POLR2B: variants seen among roughly 807,000 people sequenced by gnomAD.
The protein encoded by POLR2B is DNA-directed RNA polymerase II subunit RPB2.
POLR2B carries 57 observed loss-of-function variants against 144.6 expected under a neutral mutation model. The observed-to-expected ratio is 0.39, with a 90% CI of 0.32 to 0.49. The LOEUF (loss-of-function observed/expected upper bound fraction) is 0.49, where lower values mean the gene tolerates loss of function less well. POLR2B is among the 20% of genes least tolerant of loss of function. POLR2B has a pLI of 0.83. For missense variants in POLR2B, 595 were observed against 1,467.4 expected, an observed-to-expected ratio of 0.41 and a Z score of 9.71; for synonymous variants, 442 against 469.8, an observed-to-expected ratio of 0.94 and a Z score of 0.77.
intron 2 of POLR2B, 126 bp downstream of exon 2, chr4:56,986,552 C>A: frequency 1.8e-6 from 1 of 543,370 alleles, no homozygotes; most frequent in East Asian, 3.1e-5. Flanking sequence ...ATATATTTAA[C>A]ATTTTAAGTA....
At position 56,995,424 on chromosome 4, in the gene POLR2B, T is replaced by G; in HGVS notation, c.735+15T>G. 6.4e-7 allele frequency: 1 copy of G among 1,566,286 alleles called. No homozygotes were observed. The highest frequency in any genetic ancestry group is 8.7e-7 in the Non-Finnish European group (1 of 1,148,140). On this transcript the variant is annotated intron_variant, in intron 6 of 24. Transcript: ENST00000314595. ...GAGGAGGACAGGTATGGACTGGATA[T>G]GATGCTATTTGGGTTTATTCCTTTG...
intron 7 of POLR2B, among the ~76,000 whole-genome samples, chr4:57,000,614 T>C (rs1174946983): frequency 6.6e-6 from 1 of 152,224 alleles, no homozygotes; most frequent in Non-Finnish European, 1.5e-5. Context: ...GACTTCAGTG[T>C]ATATTTCCTA....
At position 57,005,629 on chromosome 4, in the gene POLR2B, C is replaced by G; in HGVS notation, c.1127C>G (p.Ala376Gly). ...GYMVHRLLLA[A>G]LGRRELDDRD... Reference sequence around the variant, plus strand: ...ATGGTTCATAGGTTACTTCTGGCAGCTTTGGGTAGAAGAGAACTAGATGAC... The same window carrying G: ...ATGGTTCATAGGTTACTTCTGGCAGGTTTGGGTAGAAGAGAACTAGATGAC... The change falls in exon 9 of 25, where the codon GCT (alanine) becomes GGT (glycine). Residue 376 changes from alanine (A) to glycine (G), a missense_variant. Coordinates refer to ENST00000314595, the MANE Select transcript of POLR2B (RefSeq NM_000938.3). 6.2e-7 allele frequency: 1 copy of G among 1,606,328 alleles called. No homozygotes were observed. Among genetic ancestry groups the G allele is most frequent in the East Asian group, 2.2e-5 (1 of 44,582 alleles).
At position 57,008,776 on chromosome 4, in the gene POLR2B, C is replaced by T. The variant is rs1001990452; in HGVS notation, c.1405-1585C>T. ...TGAATCTTGAAGAGTACTTGGAAAA[C>T]GCCCAAGTTGCGAGGTAGGTAGAAC... On this transcript the variant is annotated intron_variant, in intron 10 of 24. Coordinates refer to ENST00000314595, the MANE Select transcript of POLR2B (RefSeq NM_000938.3). Among the ~76,000 whole-genome samples the T allele has an allele frequency of 9.9e-5, 15 of 152,140 alleles. No individual in the cohort carries two copies. In the East Asian group the frequency reaches 1.2e-3, roughly 12 times the overall value.
chr4:56,994,929 TGAAAAAAA>T (rs781196327), intron 5 of POLR2B, 63 bp downstream of exon 5: 1 of 725,740 alleles, frequency 1.4e-6, no homozygotes, highest in Non-Finnish European at 2.0e-6. Flanking sequence ...AAAGTTGAAA[TGAAAAAAA>T]AAAAAAAAAG....
chr4:57,014,970 C>CA lies in POLR2B; in HGVS notation c.1801-532_1801-531insA, dbSNP rs1441450848. Among the ~76,000 whole-genome samples, 398 of 152,182 alleles carry CA rather than the reference C, an allele frequency of 2.6e-3. 2 individuals are homozygous for CA. The highest frequency in any genetic ancestry group is 9.4e-3 in the African/African-American group (389 of 41,500). The stretch of plus-strand genomic sequence containing the variant: ...CTTACAACACATCTCAGTTCAGAAT[C>CA]GCCACGTTTCAAGTGCTCAGTCACA... On this transcript the variant is annotated intron_variant, in intron 13 of 24. Transcript: ENST00000314595.
chr4:56,988,260 G>A (rs1437115672), intron 2 of POLR2B, among the ~76,000 whole-genome samples: 3 of 152,002 alleles, frequency 2.0e-5, no homozygotes, highest in Non-Finnish European at 4.4e-5. Context: ...CAAGGAGATG[G>A]ACGAGGAAGA....
At chr4:57,000,736 C>T (rs1722826922) in intron 7 of POLR2B, among the ~76,000 whole-genome samples, 1 of 152,138 alleles carries the variant, frequency 6.6e-6, no homozygotes, top group Admixed American at 6.6e-5. Flanking sequence ...CACTCCGTTG[C>T]CTAGGCTGGA....
At chr4:57,029,531 G>A (rs773668575) in intron 23 of POLR2B, among the ~76,000 whole-genome samples, 10 of 152,140 alleles carry the variant, frequency 6.6e-5, no homozygotes, top group Non-Finnish European at 1.3e-4. Context: ...TGGATATTAA[G>A]TATGTTAAGG....
At chr4:56,997,788 A>G (rs949466121) in intron 6 of POLR2B, among the ~76,000 whole-genome samples, 1 of 152,202 alleles carries the variant, frequency 6.6e-6, no homozygotes, top group African/African-American at 2.4e-5. Context: ...GTTCACCTCA[A>G]TAACCTAAGA....
chr4:56,996,195 T>C (rs1275726009), intron 6 of POLR2B, among the ~76,000 whole-genome samples: 1 of 147,148 alleles, frequency 6.8e-6, no homozygotes, highest in Non-Finnish European at 1.5e-5. Flanking sequence ...GGAAAACCTC[T>C]ATTTCAGTTC....
intron 1 of POLR2B, among the ~76,000 whole-genome samples, chr4:56,982,880 G>A (rs964857092): frequency 2.0e-5 from 3 of 151,960 alleles, no homozygotes; most frequent in African/African-American, 7.2e-5. Context: ...TGTTGAAACC[G>A]AAAGCCTGGG....
In POLR2B at chr4:56,986,363, A is replaced by G. The variant is rs1268143361; in HGVS notation, c.29A>G (p.Tyr10Cys). 6.2e-7 allele frequency: 1 copy of G among 1,607,370 alleles called. No individual in the cohort carries two copies. The highest frequency in any genetic ancestry group is 8.5e-7 in the Non-Finnish European group (1 of 1,173,982). The change falls in exon 2 of 25, where the codon TAT becomes TGT. Residue 10 changes from tyrosine (Y) to cysteine (C), a missense_variant. This residue lies in a region of POLR2B where 25 missense variants were observed against 26.1 expected (regional missense o/e 0.96). Transcript: ENST00000314595. ...ATTTTTGTTTTTACAGATATGCAAT[A>G]TGATGAGGATGATGATGAAATCACC... MYDADEDMQYDEDDDEITPD... is the reference protein window; with the variant it reads MYDADEDMQCDEDDDEITPD...
chr4:57,017,770 G>A lies in POLR2B; in HGVS notation c.2323+42G>A. On this transcript the variant is annotated intron_variant, in intron 16 of 24. Transcript: ENST00000314595. This position sits in a 1 kb window ranked among gnomAD's most constrained non-coding sequence, Gnocchi z 4.8. ...TCTACGTTATTTAAGATCCTTCTGTGCTTAAGGCACTTTTCTGGGTGCTTG... is the reference window on the plus strand; with the variant it reads ...TCTACGTTATTTAAGATCCTTCTGTACTTAAGGCACTTTTCTGGGTGCTTG... 2 of 1,499,910 alleles carry A rather than the reference G, an allele frequency of 1.3e-6. No homozygotes were observed. The highest frequency in any genetic ancestry group is 1.8e-6 in the Non-Finnish European group (2 of 1,092,686). 92.9% of individuals were successfully genotyped at this position (1,499,910 alleles called of 1,614,324 possible).
intron 10 of POLR2B, among the ~76,000 whole-genome samples, chr4:57,009,032 T>A (rs1485310394): frequency 6.7e-6 from 1 of 150,284 alleles, no homozygotes; most frequent in Admixed American, 6.7e-5. Context: ...GAAGGGCAAG[T>A]TTGGTGGCAG....
chr4:56,992,458 CTG>C (rs1722542354), intron 3 of POLR2B, among the ~76,000 whole-genome samples: 2 of 52,040 alleles, frequency 3.8e-5, no homozygotes. Context: ...GGTCGAGACT[CTG>C]TCTCAAAAAA....
chr4:57,010,727 A>G (rs1723166102), intron 11 of POLR2B, 21 bp from the exon 12 acceptor site: 1 of 1,568,624 alleles, frequency 6.4e-7, no homozygotes, highest in Non-Finnish European at 8.6e-7. Context: ...CAGAATGACT[A>G]ATACTTGGTT....
intron 13 of POLR2B, among the ~76,000 whole-genome samples, chr4:57,011,474 G>A (rs549535003): frequency 5.7e-4 from 87 of 152,094 alleles, no homozygotes; most frequent in African/African-American, 2.0e-3. Flanking sequence ...GTTATGGTGA[G>A]GTGAGATTGC....
chr4:57,012,446 G>A (rs1723222773), intron 13 of POLR2B, among the ~76,000 whole-genome samples: 1 of 151,488 alleles, frequency 6.6e-6, no homozygotes, highest in African/African-American at 2.4e-5. Flanking sequence ...ACAATATATT[G>A]TGAACTTTAT....
Sources: allele counts gnomAD v4.1 joint callset (sites outside exome capture counted in the v4.1 genomes callset), GRCh38; gene constraint gnomAD v4.1.1; regional missense constraint gnomAD v4.1.1; non-coding constraint Gnocchi (gnomAD v3.1); transcripts MANE v1.5; gene names NCBI Gene and HGNC (gene_info 2026-07-23, HGNC 2026-07-21).